The following CCNY variants were observed in gnomAD, a reference collection of about 807,000 sequenced individuals.
CCNY encodes cyclin-Y.
In CCNY, 19 loss-of-function variants were observed where a neutral mutation model predicts 42.8. That is an observed-to-expected ratio of 0.44 (90% confidence interval 0.31 to 0.65). The LOEUF is 0.65. Among genes scored for constraint, CCNY ranks in the 30% least tolerant of loss-of-function variants. The pLI is 0.07. For missense variants in CCNY, 370 were observed against 437.3 expected, an observed-to-expected ratio of 0.85 and a Z score of 1.37; for synonymous variants, 165 against 162.7, an observed-to-expected ratio of 1.01 and a Z score of -0.11.
intron 3 of CCNY, among the ~76,000 whole-genome samples, chr10:35,274,860 A>C (rs531283931): frequency 1.6e-4 from 25 of 152,154 alleles, no homozygotes; most frequent in African/African-American, 6.0e-4. Flanking sequence ...CCACACGGGC[A>C]CAGCAGCTGC....
At chr10:35,287,922 GA>G (rs892828544) in intron 3 of CCNY, among the ~76,000 whole-genome samples, 2 of 150,300 alleles carry the variant, frequency 1.3e-5, no homozygotes, top group African/African-American at 2.4e-5. Context: ...TCCCAAAGTG[GA>G]AAAAAAAAGT....
At chr10:35,300,030 C>A (rs1038763194) in intron 3 of CCNY, among the ~76,000 whole-genome samples, 5 of 152,192 alleles carry the variant, frequency 3.3e-5, no homozygotes, top group Non-Finnish European at 1.5e-5. Flanking sequence ...AGTATCCTTT[C>A]GAGGTCTTTA....
At chr10:35,533,649 C>T (rs762888282) in intron 7 of CCNY, among the ~76,000 whole-genome samples, 1 of 152,220 alleles carries the variant, frequency 6.6e-6, no homozygotes, top group African/African-American at 2.4e-5. Context: ...TCTGAAGTTG[C>T]AACCTCCCTC....
intron 8 of CCNY, among the ~76,000 whole-genome samples, chr10:35,561,564 G>A (rs530573899): frequency 2.6e-4 from 39 of 152,144 alleles, no homozygotes; most frequent in Non-Finnish European, 5.0e-4. Context: ...GCAGGGAGAG[G>A]GCTCACAGGT....
rs1170799875 is a variant in CCNY, at chr10:35,385,730, G to C, written c.154+48523G>C. Reference sequence around the variant, plus strand: ...TTTTAAAACCCAGTTGCCCTTTGCAGTGTGCGTCATCAGAACCGTCCAGTC... The same window carrying C: ...TTTTAAAACCCAGTTGCCCTTTGCACTGTGCGTCATCAGAACCGTCCAGTC... On this transcript the variant is annotated intron_variant, in intron 1 of 9. Transcript: ENST00000374704. Among the ~76,000 whole-genome samples the C allele has an allele frequency of 2.0e-5, 3 of 152,294 alleles. No homozygotes were observed. In the South Asian group the frequency reaches 6.2e-4, roughly 32 times the overall value.
intron 1 of CCNY, among the ~76,000 whole-genome samples, chr10:35,385,619 C>T (rs1263745274): frequency 2.6e-5 from 4 of 152,204 alleles, no homozygotes; most frequent in African/African-American, 9.6e-5. Flanking sequence ...ATTCCAGTTG[C>T]CCCATATTCT....
At chr10:35,269,490 G>A (rs1275678836) in intron 3 of CCNY, among the ~76,000 whole-genome samples, 1 of 151,774 alleles carries the variant, frequency 6.6e-6, no homozygotes, top group Non-Finnish European at 1.5e-5. Flanking sequence ...TTTTAGTAAA[G>A]GTGGGGTTTT....
At chr10:35,348,189 T>C (rs1564376991) in intron 1 of CCNY, among the ~76,000 whole-genome samples, 1 of 152,242 alleles carries the variant, frequency 6.6e-6, no homozygotes, top group African/African-American at 2.4e-5. Context: ...AAGCCAAAGC[T>C]GATGTTATTG....
At chr10:35,486,223 A>G (rs116905756) in intron 2 of CCNY, among the ~76,000 whole-genome samples, 2,399 of 152,290 alleles carry the variant, frequency 0.016, 31 homozygotes, top group Non-Finnish European at 0.027. Flanking sequence ...TGCTGGAGAT[A>G]CATTTCTTCC....
chr10:35,357,899 T>C (rs1302436737), intron 1 of CCNY, among the ~76,000 whole-genome samples: 1 of 152,182 alleles, frequency 6.6e-6, no homozygotes, highest in African/African-American at 2.4e-5. Context: ...CATGGATTGT[T>C]ATTTCATTGA....
Position 35,461,010 on chromosome 10 carries a change from T to TG in CCNY, c.155-22391dup, listed in dbSNP as rs1447438213. Among the ~76,000 whole-genome samples the TG allele has an allele frequency of 5.3e-5, 8 of 149,718 alleles. 1 individual carries two copies. In the South Asian group the frequency reaches 1.7e-3, roughly 32 times the overall value. ...AAGAGTGGGGAGCAGTGGGCAGGGGTGGGAGGGGCTGATGATCCACCCAGC... is the reference window on the plus strand; with the variant it reads ...AAGAGTGGGGAGCAGTGGGCAGGGGTGGGGAGGGGCTGATGATCCACCCAGC... On this transcript the variant is annotated intron_variant, in intron 1 of 9. Coordinates refer to ENST00000374704, the MANE Select transcript of CCNY (RefSeq NM_145012.6).
chr10:35,384,389 T>C (rs980177483), intron 1 of CCNY, among the ~76,000 whole-genome samples: 24 of 152,264 alleles, frequency 1.6e-4, no homozygotes, highest in African/African-American at 5.8e-4. Context: ...AGTTACGTAT[T>C]CCTCTGGAAC....
chr10:35,368,973 A>T (rs1163779065), intron 1 of CCNY, among the ~76,000 whole-genome samples: 1 of 152,334 alleles, frequency 6.6e-6, no homozygotes, highest in African/African-American at 2.4e-5. Flanking sequence ...GAAGTTGTTC[A>T]GTTTCTCCAC....
At chr10:35,282,852 T>C (rs916778605) in intron 3 of CCNY, among the ~76,000 whole-genome samples, 43 of 152,114 alleles carry the variant, frequency 2.8e-4, no homozygotes, top group Non-Finnish European at 7.3e-5. Context: ...GACATATAAA[T>C]TGTATATCCC....
chr10:35,409,934 G>C (rs576807876), intron 1 of CCNY, among the ~76,000 whole-genome samples: 7 of 152,148 alleles, frequency 4.6e-5, no homozygotes, highest in South Asian at 4.2e-4. Flanking sequence ...GTAGAGACAG[G>C]GTCTTGCTAT....
chr10:35,552,208 C>T (rs933849457), intron 7 of CCNY, among the ~76,000 whole-genome samples: 4 of 152,052 alleles, frequency 2.6e-5, no homozygotes, highest in African/African-American at 9.7e-5. Flanking sequence ...AAGTTCTGAC[C>T]CATGCCACAA....
intron 3 of CCNY, among the ~76,000 whole-genome samples, chr10:35,320,461 T>G (rs1042447556): frequency 3.9e-5 from 6 of 152,206 alleles, no homozygotes; most frequent in African/African-American, 1.4e-4. Flanking sequence ...AGAAGGGACC[T>G]TCTTCATCCT....
intron 1 of CCNY, among the ~76,000 whole-genome samples, chr10:35,451,815 A>G (rs1272324679): frequency 1.3e-5 from 2 of 152,142 alleles, no homozygotes; most frequent in Non-Finnish European, 2.9e-5. Context: ...ACCTCCACGC[A>G]TGGCAGGGGC....
chr10:35,334,403 A>G (rs998775333), upstream of CCNY, among the ~76,000 whole-genome samples: 1 of 152,234 alleles, frequency 6.6e-6, no homozygotes, highest in African/African-American at 2.4e-5. Flanking sequence ...AGACAACAAC[A>G]GACAACAAGG....
Sources: allele counts gnomAD v4.1 joint callset (sites outside exome capture counted in the v4.1 genomes callset), GRCh38; gene constraint gnomAD v4.1.1; transcripts MANE v1.5; gene names NCBI Gene and HGNC (gene_info 2026-07-23, HGNC 2026-07-21).